Variants in KIAA1671 observed in about 807,000 individuals in gnomAD.
KIAA1671 encodes KIAA1671.
In KIAA1671, 52 loss-of-function variants were observed where a neutral mutation model predicts 131.2. That is an observed-to-expected ratio of 0.40 (90% CI 0.32 to 0.50). The LOEUF is 0.50. Ranked by LOEUF, KIAA1671 falls within the 20% of genes least tolerant of loss-of-function variation. The pLI, the probability that KIAA1671 is intolerant of heterozygous loss-of-function variation, is 0.73. For synonymous variants in KIAA1671, 1,003 were observed against 961.6 expected (o/e 1.04, Z -0.80); for missense variants, 2,360 against 2,364.2 (o/e 1.00, Z 0.04).
chr22:25,069,861 T>C (rs6004421), intron 6 of KIAA1671: 22,948 of 152,408 alleles, frequency 0.15, 1,748 homozygotes, highest in Non-Finnish European at 0.17. Context: ...ACACAGTCAG[T>C]CCACACATGC....
intron 1 of KIAA1671, among the ~76,000 whole-genome samples, chr22:24,961,441 C>T (rs5760760): frequency 0.17 from 25,404 of 152,192 alleles, 2,881 homozygotes; most frequent in East Asian, 0.63. Flanking sequence ...TCTCCTACAT[C>T]GCAGTGGCCT....
chr22:25,055,709 G>C (rs1927793958), intron 6 of KIAA1671: 1 of 149,928 alleles, frequency 6.7e-6, no homozygotes. Context: ...GTCCGTTCAA[G>C]TCCTTTGCCC....
chr22:25,174,701 C>A, intron 8 of KIAA1671: 1 of 492,810 alleles, frequency 2.0e-6, no homozygotes, highest in Non-Finnish European at 3.5e-6. Flanking sequence ...CTCTCTGAGC[C>A]TCAGCTTCCT....
At chr22:25,044,939 T>TC (rs1269701561) in intron 5 of KIAA1671, among the ~76,000 whole-genome samples, 5 of 152,068 alleles carry the variant, frequency 3.3e-5, no homozygotes, top group African/African-American at 1.2e-4. Context: ...GGCGGGTGGA[T>TC]CACGAGGTCA....
intron 6 of KIAA1671, among the ~76,000 whole-genome samples, chr22:25,129,311 A>G (rs1932325571): frequency 6.6e-6 from 1 of 152,144 alleles, no homozygotes; most frequent in Non-Finnish European, 1.5e-5. Flanking sequence ...GTTCGAGACC[A>G]GCCTGGCCAA....
In KIAA1671 at chr22:25,040,162, C is replaced by T; in HGVS notation, c.3032C>T (p.Thr1011Ile). The part of the protein sequence containing the change: ...EVNPGASRDQ[T>I]SPAVKQGSPV... ...AACCCAGGTGCTTCACGGGACCAGA[C>T]TTCCCCAGCAGTGAAGCAAGGGTCA... The change falls in exon 5 of 13, where the codon ACT becomes ATT. Residue 1011 changes from threonine to isoleucine, a missense_variant. By Grantham distance (89) the Thr-to-Ile change is moderately conservative. This residue lies in a region of KIAA1671 where 1,161 missense variants were observed against 1,204.7 expected (regional missense o/e 0.96). Transcript: ENST00000358431. 6.4e-7 allele frequency: 1 copy of T among 1,551,706 alleles called. No homozygotes were observed. The highest frequency in any genetic ancestry group is 8.7e-7 in the Non-Finnish European group (1 of 1,147,008).
chr22:25,151,211 A>G (rs1177589243), intron 6 of KIAA1671, among the ~76,000 whole-genome samples: 2 of 151,680 alleles, frequency 1.3e-5, no homozygotes, highest in African/African-American at 2.4e-5. Context: ...AGAAACAAGA[A>G]CAAGGTTATT....
At chr22:25,037,423 T>C (rs1369752638) in intron 4 of KIAA1671, among the ~76,000 whole-genome samples, 2 of 151,986 alleles carry the variant, frequency 1.3e-5, no homozygotes, top group African/African-American at 4.8e-5. Context: ...TATATATATG[T>C]GTGTGTATAT....
At chr22:25,002,008 G>A (rs1416685288) in intron 1 of KIAA1671, among the ~76,000 whole-genome samples, 5 of 151,858 alleles carry the variant, frequency 3.3e-5, no homozygotes, top group Admixed American at 6.6e-5. Context: ...TACACATATT[G>A]CATCAGGAAT....
chr22:25,007,843 G>A (rs1032920377), intron 1 of KIAA1671, among the ~76,000 whole-genome samples: 1 of 152,046 alleles, frequency 6.6e-6, no homozygotes, highest in African/African-American at 2.4e-5. Context: ...TGCCTATGGG[G>A]TAGCCCTGCT....
At chr22:24,978,216 G>A (rs181328973) in intron 1 of KIAA1671, among the ~76,000 whole-genome samples, 3 of 152,034 alleles carry the variant, frequency 2.0e-5, no homozygotes, top group African/African-American at 2.4e-5. Context: ...TTTGAATCAC[G>A]GGGGCGGTTT....
intron 6 of KIAA1671, among the ~76,000 whole-genome samples, chr22:25,155,540 GTGTA>G (rs777583065): frequency 1.3e-5 from 2 of 149,244 alleles, no homozygotes; most frequent in Non-Finnish European, 3.0e-5. Flanking sequence ...TCTATTTTTT[GTGTA>G]TGTGTGTGCA....
intron 1 of KIAA1671, among the ~76,000 whole-genome samples, chr22:24,954,185 C>T (rs1046056938): frequency 6.6e-6 from 1 of 152,094 alleles, no homozygotes; most frequent in Non-Finnish European, 1.5e-5. Context: ...GGTTAATTGC[C>T]CCTCTGATCC....
intron 6 of KIAA1671, among the ~76,000 whole-genome samples, chr22:25,065,653 T>TA (rs1568936878): frequency 2.7e-4 from 40 of 150,228 alleles, no homozygotes; most frequent in African/African-American, 8.7e-4. Context: ...TATTATTTTT[T>TA]TTTTTTTGAG....
At chr22:25,083,827 C>T (rs1025224107) in intron 6 of KIAA1671, among the ~76,000 whole-genome samples, 4 of 152,242 alleles carry the variant, frequency 2.6e-5, no homozygotes, top group Non-Finnish European at 5.9e-5. Context: ...GCCAGACCCC[C>T]TGCTGCCCCA....
At position 25,105,818 on chromosome 22, in the gene KIAA1671, T is replaced by C. The variant is rs373131046; in HGVS notation, c.4530+56454T>C. Reference sequence around the variant, plus strand: ...TATATAGCTTGTCACAGGTATGAAGTTGGGGGGGGGGGGTGCCAAACTCCA... The same window carrying C: ...TATATAGCTTGTCACAGGTATGAAGCTGGGGGGGGGGGGTGCCAAACTCCA... On this transcript the variant is annotated intron_variant, in intron 6 of 12. Coordinates refer to ENST00000358431, the MANE Select transcript of KIAA1671 (RefSeq NM_001145206.2). Among the ~76,000 whole-genome samples the C allele has an allele frequency of 1.0e-2, 468 of 46,898 alleles. 2 individuals carry two copies. The highest frequency in any genetic ancestry group is 0.021 in the African/African-American group (444 of 21,452). The allele number at this position is 46,898 out of a possible 152,430, so 30.8% of individuals were successfully genotyped here.
rs183681970 is a variant in KIAA1671, at chr22:25,074,374, G to A, written c.4530+25010G>A. ...ACAAAAATTAGTTGGGCATGGTGGT[G>A]TGTGCCTGTAGTCCCAGCTACTCGG... On this transcript the variant is annotated intron_variant, in intron 6 of 12. Coordinates refer to ENST00000358431, the MANE Select transcript of KIAA1671 (RefSeq NM_001145206.2). 1.8e-3 allele frequency among the ~76,000 whole-genome samples: 274 copies of A among 151,128 alleles called. 4 individuals carry two copies. In the South Asian group the frequency reaches 0.04, roughly 22 times the overall value.
chr22:25,008,520 T>G (rs1002148085), intron 1 of KIAA1671, among the ~76,000 whole-genome samples: 1 of 152,188 alleles, frequency 6.6e-6, no homozygotes, highest in East Asian at 1.9e-4. Flanking sequence ...ACAGCCACTA[T>G]TGATGCTTCG....
At chr22:25,136,997 C>T (rs1932706706) in intron 6 of KIAA1671, among the ~76,000 whole-genome samples, 1 of 152,150 alleles carries the variant, frequency 6.6e-6, no homozygotes. Flanking sequence ...GATGCAAATA[C>T]CTTTCAGCTC....
Sources: allele counts gnomAD v4.1 joint callset (sites outside exome capture counted in the v4.1 genomes callset), GRCh38; gene constraint gnomAD v4.1.1; regional missense constraint gnomAD v4.1.1; transcripts MANE v1.5; gene names NCBI Gene and HGNC (gene_info 2026-07-23, HGNC 2026-07-21).